The following PCMT1 variants were observed in gnomAD, a reference collection of about 807,000 sequenced individuals.
The protein encoded by PCMT1 is protein-L-isoaspartate (D-aspartate) O-methyltransferase.
Under a neutral mutation model 29.2 loss-of-function variants are expected in PCMT1, and 9 were observed. The observed-to-expected ratio is 0.31, with a 90% confidence interval of 0.19 to 0.54. The LOEUF is 0.54. PCMT1 is among the 20% of genes least tolerant of loss of function. The probability of loss-of-function intolerance (pLI) is 0.95; values close to 1 mark genes in which losing one functional copy is unlikely to be tolerated. For missense variants in PCMT1, 184 were observed against 282.2 expected, an observed-to-expected ratio of 0.65 and a Z score of 2.49; for synonymous variants, 98 against 97.5, an observed-to-expected ratio of 1.00 and a Z score of -0.03.
chr6:149,782,195 A>T (rs1043117097), intron 3 of PCMT1, among the ~76,000 whole-genome samples: 1 of 152,208 alleles, frequency 6.6e-6, no homozygotes, highest in African/African-American at 2.4e-5. Flanking sequence ...ATATATGCAC[A>T]TAACAGTAAG....
At chr6:149,787,956 C>G (rs1788193553) in intron 3 of PCMT1, among the ~76,000 whole-genome samples, 2 of 152,022 alleles carry the variant, frequency 1.3e-5, no homozygotes, top group African/African-American at 4.8e-5. Flanking sequence ...GTCGCCCAGG[C>G]TGGGGTGCAG....
At chr6:149,761,066 T>C (rs931361933) in intron 1 of PCMT1, among the ~76,000 whole-genome samples, 4 of 150,968 alleles carry the variant, frequency 2.6e-5, no homozygotes, top group East Asian at 3.9e-4. Flanking sequence ...TACACACATA[T>C]ATAAAACTGA....
In PCMT1 at chr6:149,788,713, A is replaced by G. The variant is rs1012271153; in HGVS notation, c.193-1241A>G. 7.2e-5 allele frequency among the ~76,000 whole-genome samples: 11 copies of G among 152,202 alleles called. 1 individual carries two copies. The highest frequency in any genetic ancestry group is 2.4e-4 in the African/African-American group (10 of 41,460). On this transcript the variant is annotated intron_variant, in intron 3 of 7. Transcript: ENST00000464889. The stretch of plus-strand genomic sequence containing the variant: ...ACTGGAGAACTTTTTTCTGAACTCC[A>G]TTGTAAAATTACTATTTTTCCTTTT...
chr6:149,775,341 A>C (rs1322312468), intron 3 of PCMT1, among the ~76,000 whole-genome samples: 1 of 152,254 alleles, frequency 6.6e-6, no homozygotes, highest in Non-Finnish European at 1.5e-5. Context: ...CATTAAAAAA[A>C]CCTGATACAT....
At chr6:149,760,082 C>A (rs1369364145) in intron 1 of PCMT1, among the ~76,000 whole-genome samples, 2 of 152,128 alleles carry the variant, frequency 1.3e-5, no homozygotes, top group African/African-American at 2.4e-5. Flanking sequence ...CCTTTCAGAT[C>A]CAATCCATTC....
chr6:149,752,843 G>A (rs1786377421), intron 1 of PCMT1, among the ~76,000 whole-genome samples: 1 of 152,120 alleles, frequency 6.6e-6, no homozygotes, highest in African/African-American at 2.4e-5. Flanking sequence ...GGTAAGCCAA[G>A]ACTAGATAGA....
intron 7 of PCMT1, among the ~76,000 whole-genome samples, chr6:149,803,416 A>G (rs905280908): frequency 6.6e-5 from 10 of 152,036 alleles, no homozygotes; most frequent in South Asian, 6.2e-4. Flanking sequence ...GGTCAGCAGC[A>G]TGCAGCAACT....
chr6:149,776,052 G>A (rs1025415237), intron 3 of PCMT1, among the ~76,000 whole-genome samples: 8 of 152,006 alleles, frequency 5.3e-5, no homozygotes, highest in African/African-American at 1.7e-4. Flanking sequence ...CCAGCTACTT[G>A]GGAGGCTGAG....
At chr6:149,751,512 C>T (rs1582997053) in intron 1 of PCMT1, among the ~76,000 whole-genome samples, 1 of 141,692 alleles carries the variant, frequency 7.1e-6, no homozygotes, top group Non-Finnish European at 1.5e-5. Context: ...GACAGAGACT[C>T]CCTCTGTAGC....
At chr6:149,785,425 T>TTTTTTTG in intron 3 of PCMT1, among the ~76,000 whole-genome samples, 1 of 142,052 alleles carries the variant, frequency 7.0e-6, no homozygotes, top group African/African-American at 2.6e-5. Flanking sequence ...TTATTTTTTT[T>TTTTTTTG]TATTGATCAT....
At chr6:149,771,880 C>T (rs183962982) in intron 2 of PCMT1, 183 of 425,534 alleles carry the variant, frequency 4.3e-4, no homozygotes, top group Non-Finnish European at 6.8e-4. Flanking sequence ...TCTTTAGGGG[C>T]CTTAGTGTTG....
chr6:149,794,808 A>G (rs1156903976), intron 5 of PCMT1: 7 of 485,248 alleles, frequency 1.4e-5, no homozygotes, highest in Admixed American at 4.6e-5. Flanking sequence ...AGTGAGGGAC[A>G]TGAGAGATCA....
intron 3 of PCMT1, among the ~76,000 whole-genome samples, chr6:149,789,151 A>C (rs1280394073): frequency 7.1e-6 from 1 of 140,456 alleles, no homozygotes; most frequent in Non-Finnish European, 1.5e-5. Context: ...ATCTCGGATC[A>C]CTGCAATCTC....
chr6:149,752,036 G>GTT (rs60405304), intron 1 of PCMT1, among the ~76,000 whole-genome samples: 3,920 of 122,752 alleles, frequency 0.032, 255 homozygotes, highest in African/African-American at 0.11. Flanking sequence ...AATTTTTAGG[G>GTT]TTTTTTTTTT....
intron 1 of PCMT1, among the ~76,000 whole-genome samples, chr6:149,769,948 T>C (rs1419356829): frequency 6.6e-6 from 1 of 152,096 alleles, no homozygotes; most frequent in Non-Finnish European, 1.5e-5. Context: ...TGATCTTGCT[T>C]TCCTTCCTGA....
At chr6:149,806,384 C>T (rs529063754) in intron 7 of PCMT1, among the ~76,000 whole-genome samples, 1 of 152,226 alleles carries the variant, frequency 6.6e-6, no homozygotes, top group African/African-American at 2.4e-5. Context: ...GAGTCAGAAA[C>T]AGGAAGTGGT....
At chr6:149,783,781 T>G (rs943648861) in intron 3 of PCMT1, among the ~76,000 whole-genome samples, 1 of 152,156 alleles carries the variant, frequency 6.6e-6, no homozygotes, top group African/African-American at 2.4e-5. Context: ...CCTCAAGCTC[T>G]TCAGCTCCAG....
chr6:149,752,806 GTC>G (rs1786375532), intron 1 of PCMT1, among the ~76,000 whole-genome samples: 1 of 152,064 alleles, frequency 6.6e-6, no homozygotes, highest in South Asian at 2.1e-4. Context: ...GGCTCTTAAA[GTC>G]TCTCCTTTTT....
intron 1 of PCMT1, among the ~76,000 whole-genome samples, chr6:149,763,034 G>GATATATATGAT (rs1405223001): frequency 4.1e-5 from 2 of 48,434 alleles, no homozygotes; most frequent in Admixed American, 7.5e-4. Context: ...ATATATCTAT[G>GATATATATGAT]ATATCTATGA....
Sources: gnomAD v4.1 joint callset for allele counts (sites outside exome capture counted in the v4.1 genomes callset) on GRCh38, gnomAD v4.1.1 for gene constraint, MANE v1.5 for transcripts, NCBI Gene and HGNC (gene_info 2026-07-23, HGNC 2026-07-21) for gene names.